Variants in SELENOP observed in about 807,000 individuals in gnomAD.
SELENOP encodes selenoprotein P.
A neutral mutation model predicts 41.0 loss-of-function variants in SELENOP; 36 were observed. The observed-to-expected ratio is 0.88, with a 90% CI of 0.67 to 1.16. The LOEUF is 1.16. Among genes scored for constraint, SELENOP ranks in the 50% most tolerant of loss-of-function variants. SELENOP has a pLI of 0.00. For synonymous variants in SELENOP, 144 were observed against 150.8 expected (o/e 0.95, Z 0.33); for missense variants, 440 against 454.2 (o/e 0.97, Z 0.28).
At chr5:42,809,129 C>G (rs1287793802) in intron 1 of SELENOP, among the ~76,000 whole-genome samples, 2 of 152,082 alleles carry the variant, frequency 1.3e-5, no homozygotes, top group Non-Finnish European at 2.9e-5. Context: ...CCTTTTGTTT[C>G]TCTTATTCCT....
At position 42,811,816 on chromosome 5, in the gene SELENOP, A is replaced by AACACGAAGTTCCTACTT. The variant is rs1350384962; in HGVS notation, c.-14+3_-14+19dup. ...ACTTTAAAAGAATAAAGTATCAGAA[A>AACACGAAGTTCCTACTT]ACACGAAGTTCCTACTTACACAACC... is the stretch of plus-strand genomic sequence containing the variant. On this transcript the variant is annotated intron_variant, in intron 1 of 4. Transcript: ENST00000514985. The AACACGAAGTTCCTACTT allele has an allele frequency of 3.3e-5, 5 of 152,264 alleles. No homozygotes were observed. The highest frequency in any genetic ancestry group is 1.2e-4 in the African/African-American group (5 of 41,460). The allele number at this position is 152,264 out of a possible 1,614,324, so 9.4% of individuals were successfully genotyped here. A position where few individuals can be genotyped will look rare whatever the true frequency, so the allele number is the denominator to read the frequency against.
At chr5:42,802,256 C>T (rs1226452107) in intron 4 of SELENOP, 1 of 152,096 alleles carries the variant, frequency 6.6e-6, no homozygotes, top group Non-Finnish European at 1.5e-5. Context: ...TTTTGTGGTA[C>T]CTACTAATCA....
At chr5:42,804,203 T>C (rs1032860444) in intron 4 of SELENOP, among the ~76,000 whole-genome samples, 5 of 152,254 alleles carry the variant, frequency 3.3e-5, no homozygotes, top group African/African-American at 9.6e-5. Context: ...GGCTCACGCC[T>C]GTAATCCCAG....
chr5:42,806,815 G>GTT, intron 3 of SELENOP, 81 bp downstream of exon 3: 1 of 712,018 alleles, frequency 1.4e-6, no homozygotes. Flanking sequence ...AAAGAAGATT[G>GTT]TTATGTGTGA....
rs914467661 is a variant in SELENOP, at chr5:42,804,662, A to G, written c.528T>C (p.Ser176=). ...AAATAATTCAGAAAAATACCGTGAGAGAGCAGTTTCCACATTTCTTTTCAC... is the reference window on the plus strand; with the variant it reads ...AAATAATTCAGAAAAATACCGTGAGGGAGCAGTTTCCACATTTCTTTTCAC... ...AYCEKKCGNC[S]LTTLKDEDFC... is the part of the protein sequence containing the mutation. Residue 176 remains serine (S), a synonymous_variant, in exon 4 of 5, where the codon TCT becomes TCC. Transcript: ENST00000514985. The G allele has an allele frequency of 6.5e-6, 10 of 1,535,262 alleles. No homozygotes were observed. Among genetic ancestry groups the G allele is most frequent in the African/African-American group, 5.5e-5 (4 of 72,744 alleles).
At chr5:42,806,826 T>C (rs1330508553) in intron 3 of SELENOP, 70 bp downstream of exon 3, 2 of 797,998 alleles carry the variant, frequency 2.5e-6, no homozygotes, top group South Asian at 2.0e-5. Flanking sequence ...TTATGTGTGA[T>C]GGGAAGTAAA....
chr5:42,801,731 A>T (rs1760209138), intron 4 of SELENOP: 1 of 206,626 alleles, frequency 4.8e-6, no homozygotes, highest in East Asian at 1.1e-4. Context: ...AGCCTGGGCA[A>T]CATGGCGAGA....
chr5:42,804,190 G>A (rs183349934), intron 4 of SELENOP, among the ~76,000 whole-genome samples: 1 of 152,310 alleles, frequency 6.6e-6, no homozygotes, highest in Admixed American at 6.5e-5. Context: ...GGCCGGGCGC[G>A]GTGGCTCACG....
chr5:42,800,879 G>A lies in SELENOP; in HGVS notation c.987C>T (p.Ser329=). The change falls in exon 5 of 5, where the codon AGC becomes AGT. Residue 329 remains serine (S), a synonymous_variant. Coordinates refer to ENST00000514985, the MANE Select transcript of SELENOP (RefSeq NM_005410.4). ...QCKENLPSLC[S]UQGLRAEENI... is the part of the protein sequence containing the mutation. ...TCTCCTCTGCCCGAAGTCCCTGTCAGCTACATAAAGATGGGAGGTTTTCTT... is the reference window on the plus strand; with the variant it reads ...TCTCCTCTGCCCGAAGTCCCTGTCAACTACATAAAGATGGGAGGTTTTCTT... 1 of 1,614,194 alleles carries A rather than the reference G, an allele frequency of 6.2e-7. No homozygotes were observed. Among genetic ancestry groups the A allele is most frequent in the Non-Finnish European group, 8.5e-7 (1 of 1,180,022 alleles).
chr5:42,811,258 T>C (rs1760452126), intron 1 of SELENOP, among the ~76,000 whole-genome samples: 1 of 152,222 alleles, frequency 6.6e-6, no homozygotes, highest in Non-Finnish European at 1.5e-5. Flanking sequence ...CCATTTAAAA[T>C]ACAAAAGTTT....
chr5:42,804,780 A>T lies in SELENOP; in HGVS notation c.417-7T>A, dbSNP rs781005986. On this transcript the variant is annotated splice_polypyrimidine_tract_variant and splice_region_variant and intron_variant, in intron 3 of 4. Transcript: ENST00000514985. ...ATATACAAGACGGCCACATCTAAGA[A>T]AAAGGACAAATACAATGTCACTATA... 3.4e-6 allele frequency: 5 copies of T among 1,473,534 alleles called. No individual in the cohort carries two copies. In the South Asian group the frequency reaches 5.8e-5, roughly 17 times the overall value. The allele number at this position is 1,473,534 out of a possible 1,614,324, so 91.3% of individuals were successfully genotyped here. A position where few individuals can be genotyped will look rare whatever the true frequency, so the allele number is the denominator to read the frequency against.
chr5:42,810,749 C>T (rs190774342), intron 1 of SELENOP: 29 of 1,089,194 alleles, frequency 2.7e-5, no homozygotes, highest in Middle Eastern at 2.5e-4. Flanking sequence ...TGAGCCACCG[C>T]GTCCAGCCCA....
intron 1 of SELENOP, among the ~76,000 whole-genome samples, chr5:42,811,365 C>T (rs1218470082): frequency 6.6e-6 from 1 of 152,190 alleles, no homozygotes; most frequent in Non-Finnish European, 1.5e-5. Context: ...GTACCCCATT[C>T]CACCACTTTT....
Position 42,800,111 on chromosome 5 carries a change from T to C in SELENOP, c.*609A>G, listed in dbSNP as rs574939995. ...CAGCCACTCAAGTTTTAGAAGAGTA[T>C]GATACAACATTAGAGAAAGAAAGAT... On this transcript the variant is annotated 3_prime_UTR_variant, in exon 5 of 5. Coordinates refer to ENST00000514985, the MANE Select transcript of SELENOP (RefSeq NM_005410.4). 10 of 207,054 alleles carry C rather than the reference T, an allele frequency of 4.8e-5. No individual in the cohort carries two copies. The South Asian group carries it at 1.2e-3, about 24-fold the overall frequency. The allele number at this position is 207,054 out of a possible 1,614,324, so 12.8% of individuals were successfully genotyped here. A position where few individuals can be genotyped will look rare whatever the true frequency, so the allele number is the denominator to read the frequency against.
rs777778844 is a variant in SELENOP, at chr5:42,800,902, C to CTT, written c.962_963dup (p.Glu322LysfsTer?). On this transcript the variant is annotated frameshift_variant, in exon 5 of 5. Transcript: ENST00000514985. LOFTEE classifies it high-confidence loss of function. ...CAGCTACATAAAGATGGGAGGTTTT[C>CTT]TTTACACTGTCAGGTGATTGCAGAC... is the stretch of plus-strand genomic sequence containing the variant. The CTT allele has an allele frequency of 1.2e-6, 2 of 1,614,172 alleles. No homozygotes were observed. Among genetic ancestry groups the CTT allele is most frequent in the Non-Finnish European group, 8.5e-7 (1 of 1,180,038 alleles).
In SELENOP at chr5:42,803,082, T is replaced by C. The variant is rs538012786; in HGVS notation, c.534+1574A>G. The stretch of plus-strand genomic sequence containing the variant: ...TTCCTAAATACTACATAAGATAATA[T>C]GTCAAATAATCAGTGGTATCTAGGA... On this transcript the variant is annotated intron_variant, in intron 4 of 4. Transcript: ENST00000514985. Among the ~76,000 whole-genome samples, 45 of 152,262 alleles carry C rather than the reference T, an allele frequency of 3.0e-4. No individual in the cohort carries two copies. The South Asian group carries it at 9.1e-3, about 31-fold the overall frequency.
At chr5:42,806,824 G>A (rs1400932442) in intron 3 of SELENOP, 72 bp downstream of exon 3, 4 of 780,260 alleles carry the variant, frequency 5.1e-6, no homozygotes, top group Non-Finnish European at 6.3e-6. Flanking sequence ...TGTTATGTGT[G>A]ATGGGAAGTA....
At position 42,809,716 on chromosome 5, in the gene SELENOP, AC is replaced by A. The variant is rs761374631; in HGVS notation, c.-13-1351del. The stretch of plus-strand genomic sequence containing the variant: ...CTGGTAGATATAGATAGAATTTTTA[AC>A]CCTGATTGTCTTTCACATTATTTAA... On this transcript the variant is annotated intron_variant, in intron 1 of 4. Coordinates refer to ENST00000514985, the MANE Select transcript of SELENOP (RefSeq NM_005410.4). 2.4e-4 allele frequency: 170 copies of A among 715,336 alleles called. No individual in the cohort carries two copies. In the Middle Eastern group the frequency reaches 3.5e-3, roughly 15 times the overall value. The allele number at this position is 715,336 out of a possible 1,614,324, so 44.3% of individuals were successfully genotyped here.
chr5:42,807,343 C>G (rs1040190159), intron 2 of SELENOP: 1 of 289,184 alleles, frequency 3.5e-6, no homozygotes, highest in African/African-American at 2.1e-5. Flanking sequence ...GTTTAGTTCT[C>G]AAATTAGCAC....
Sources: allele counts gnomAD v4.1 joint callset (sites outside exome capture counted in the v4.1 genomes callset), GRCh38; gene constraint gnomAD v4.1.1; transcripts MANE v1.5; gene names NCBI Gene and HGNC (gene_info 2026-07-23, HGNC 2026-07-21).